AMT: variants seen among roughly 807,000 people sequenced by gnomAD.
AMT encodes the protein aminomethyltransferase, also known as aminomethyltransferase, mitochondrial.
In AMT, 24 loss-of-function variants were observed where a neutral mutation model predicts 39.5. The ratio of observed to expected loss-of-function variants is 0.61; its 90% CI spans 0.44 to 0.86. The LOEUF is 0.86. AMT is among the 40% of genes least tolerant of loss of function. AMT has a pLI of 0.00. For missense variants in AMT, 501 were observed against 537.0 expected (o/e 0.93, Z 0.66); for synonymous variants, 210 against 212.1 (o/e 0.99, Z 0.09).
At chr3:49,419,914 T>A in intron 4 of AMT, 126 bp from the exon 5 acceptor site, 1 of 978,286 alleles carries the variant, frequency 1.0e-6, no homozygotes, top group Non-Finnish European at 1.6e-6. Context: ...AAAAAAAAGG[T>A]AGTAGGCTGG....
At chr3:49,418,727 G>A in intron 7 of AMT, 1 of 493,998 alleles carries the variant, frequency 2.0e-6, no homozygotes, top group South Asian at 2.0e-5. Context: ...GGATGGTCTT[G>A]ATCTCCTGAC....
rs769609020 is a variant in AMT at position 49,417,830 on chromosome 3, C to T, written c.1021G>A (p.Gly341Ser). Reference sequence around the variant, plus strand: ...CTGGTCCACCTACCAATCTTGGTACCCTCCATGTTCAGGATGGGACTGTGT... The same window carrying T: ...CTGGTCCACCTACCAATCTTGGTACTCTCCATGTTCAGGATGGGACTGTGT... Reference protein sequence around the residue: ...RAHSPILNMEGTKIGTVTSGC... With the variant: ...RAHSPILNMESTKIGTVTSGC... The change falls in exon 8 of 9, where the codon GGT (glycine) becomes AGT (serine). Residue 341 changes from glycine (G) to serine (S), a missense_variant. Gly to Ser is a moderately conservative substitution (Grantham distance 56, BLOSUM62 0). Transcript: ENST00000273588. 23 of 1,614,102 alleles carry T rather than the reference C, an allele frequency of 1.4e-5. No individual in the cohort carries two copies. The South Asian group carries it at 2.1e-4, about 15-fold the overall frequency.
In AMT at chr3:49,417,590, C is replaced by A. The variant is rs749359730; in HGVS notation, c.1162G>T (p.Val388Leu). Residue 388 changes from valine to leucine, a missense_variant, in exon 9 of 9, where the codon GTA becomes TTA. Val to Leu is a conservative substitution (Grantham distance 32). Coordinates refer to ENST00000273588, the MANE Select transcript of AMT (RefSeq NM_000481.4). ...VEVRRKQQMA[V>L]VSKMPFVPTN... ...GGCACAAAGGGCATCTTGCTGACTACAGCCATCTGCTGCTTCCGCCGCACC... is the reference window on the plus strand; with the variant it reads ...GGCACAAAGGGCATCTTGCTGACTAAAGCCATCTGCTGCTTCCGCCGCACC... The A allele has an allele frequency of 5.0e-6, 8 of 1,614,062 alleles. No individual in the cohort carries two copies. Among genetic ancestry groups the A allele is most frequent in the Non-Finnish European group, 5.9e-6 (7 of 1,180,046 alleles).
At chr3:49,420,442 T>C in intron 3 of AMT, 100 bp from the exon 4 acceptor site, 2 of 1,568,030 alleles carry the variant, frequency 1.3e-6, no homozygotes, top group Non-Finnish European at 8.8e-7. Flanking sequence ...CAAAAGGTTA[T>C]GAACCCTAAT....
In AMT at chr3:49,420,260, T is replaced by C; in HGVS notation, c.422A>G (p.Tyr141Cys). Reference protein sequence around the residue: ...IVTNTSEGHLYVVSNAGCWEK... With the variant: ...IVTNTSEGHLCVVSNAGCWEK... Reference sequence around the variant, plus strand: ...CCAGCAGCCAGCGTTGGACACCACATACAGGTGGCCCTCAGAAGTATTGGT... The same window carrying C: ...CCAGCAGCCAGCGTTGGACACCACACACAGGTGGCCCTCAGAAGTATTGGT... The change falls in exon 4 of 9, where the codon TAT (tyrosine) becomes TGT (cysteine). Residue 141 changes from tyrosine to cysteine, a missense_variant. Coordinates refer to ENST00000273588, the MANE Select transcript of AMT (RefSeq NM_000481.4). 1.9e-6 allele frequency: 3 copies of C among 1,614,150 alleles called. No homozygotes were observed. Among genetic ancestry groups the C allele is most frequent in the East Asian group, 4.5e-5 (2 of 44,878 alleles).
In AMT at chr3:49,422,236, G is replaced by A. The variant is rs761195733; in HGVS notation, c.126C>T (p.His42=). The A allele has an allele frequency of 8.1e-6, 13 of 1,613,994 alleles. No homozygotes were observed. The East Asian group carries it at 1.1e-4, about 14-fold the overall frequency. Residue 42 remains histidine (H), a synonymous_variant, in exon 2 of 9, where the codon CAC becomes CAT. Transcript: ENST00000273588. ...VLRRTPLYDF[H]LAHGGKMVAF... Reference sequence around the variant, plus strand: ...CCACCATTTTCCCGCCGTGGGCCAGGTGGAAGTCATAGAGCGGTGTCCTGC... The same window carrying A: ...CCACCATTTTCCCGCCGTGGGCCAGATGGAAGTCATAGAGCGGTGTCCTGC...
In AMT at chr3:49,419,129, G is replaced by T; in HGVS notation, c.719C>A (p.Ala240Glu). The change falls in exon 7 of 9, where the codon GCA becomes GAA. Residue 240 changes from alanine (A) to glutamate (E), a missense_variant. By Grantham distance (107) the Ala-to-Glu change is moderately radical (BLOSUM62 -1). Transcript: ENST00000273588. The part of the protein sequence containing the change: ...GVEISVPVAG[A>E]VHLATAILKN... ...CAGAATAGCTGTTGCCAGGTGAACT[G>T]CCCCCGCTACCGGCACCGAGATCTG... 8 of 1,613,666 alleles carry T rather than the reference G, an allele frequency of 5.0e-6. No homozygotes were observed. The highest frequency in any genetic ancestry group is 6.8e-6 in the Non-Finnish European group (8 of 1,179,914).
intron 4 of AMT, 52 bp downstream of exon 4, chr3:49,420,159 A>G: frequency 6.2e-7 from 1 of 1,611,454 alleles, no homozygotes; most frequent in Non-Finnish European, 8.5e-7. Flanking sequence ...CAACAAGGAT[A>G]CTGCTCTATG....
In AMT at chr3:49,419,037, A is replaced by G. The variant is rs1434264833; in HGVS notation, c.811T>C (p.Cys271Arg). The G allele has an allele frequency of 3.1e-6, 5 of 1,613,904 alleles. No individual in the cohort carries two copies. In the African/African-American group the frequency reaches 6.7e-5, roughly 22 times the overall value. ...RDSLRLEAGL[C>R]LYGNDIDEHT... is the part of the protein sequence containing the mutation. ...TCATCAATGTCATTCCCATACAGGC[A>G]GAGGCCTGCCTCCAGGCGCAGGCTG... Residue 271 changes from cysteine to arginine, a missense_variant, in exon 7 of 9, where the codon TGC becomes CGC. Coordinates refer to ENST00000273588, the MANE Select transcript of AMT (RefSeq NM_000481.4).
Position 49,419,562 on chromosome 3 carries a change from G to A in AMT, c.550+148C>T, listed in dbSNP as rs1456588051. 8.3e-6 allele frequency: 12 copies of A among 1,440,466 alleles called. No individual in the cohort carries two copies. The Admixed American group carries it at 2.1e-4, about 25-fold the overall frequency. The allele number at this position is 1,440,466 out of a possible 1,614,324, so 89.2% of individuals were successfully genotyped here. ...CCTAGCCCATGGAGCCTTGTGGTAGGTAGGAGGAGGGCAAGATACAAAACT... is the reference window on the plus strand; with the variant it reads ...CCTAGCCCATGGAGCCTTGTGGTAGATAGGAGGAGGGCAAGATACAAAACT... On this transcript the variant is annotated intron_variant, in intron 5 of 8. Coordinates refer to ENST00000273588, the MANE Select transcript of AMT (RefSeq NM_000481.4).
At chr3:49,418,017 C>T (rs2049029701) in intron 7 of AMT, 44 bp from the exon 8 acceptor site, 1 of 1,571,064 alleles carries the variant, frequency 6.4e-7, no homozygotes, top group Non-Finnish European at 8.6e-7. Flanking sequence ...CCATAGAAGC[C>T]CTGGCCACAG....
In AMT at chr3:49,422,360, C is replaced by T; in HGVS notation, c.90+1G>A. ...TCCAAGATCAGCACCCTCTATCCCA[C>T]CTGTGCGCAACTAAGTGGACGACAC... is the stretch of plus-strand genomic sequence containing the variant. On this transcript the variant is annotated splice_donor_variant, in intron 1 of 8. Transcript: ENST00000273588. LOFTEE classifies it high-confidence loss of function. 6.2e-7 allele frequency: 1 copy of T among 1,613,892 alleles called. No individual in the cohort carries two copies. Among genetic ancestry groups the T allele is most frequent in the Non-Finnish European group, 8.5e-7 (1 of 1,179,992 alleles).
At chr3:49,418,940 G>A (rs755379684) in intron 7 of AMT, 31 bp downstream of exon 7, 2 of 1,612,036 alleles carry the variant, frequency 1.2e-6, no homozygotes, top group East Asian at 2.2e-5. Context: ...TGACCTCCAG[G>A]ACCCTATCCT....
chr3:49,417,913 T>A lies in AMT; in HGVS notation c.938A>T (p.Lys313Met). 1 of 1,613,958 alleles carries A rather than the reference T, an allele frequency of 6.2e-7. No individual in the cohort carries two copies. Among genetic ancestry groups the A allele is most frequent in the Non-Finnish European group, 8.5e-7 (1 of 1,179,990 alleles). Residue 313 changes from lysine to methionine, a missense_variant, in exon 8 of 9, where the codon AAG becomes ATG. Coordinates refer to ENST00000273588, the MANE Select transcript of AMT (RefSeq NM_000481.4). ...CACACGCCTCCGCTGCACCCTGCCC[T>A]TCAGCTGGGGAACAATGACCTTGGC... The part of the protein sequence containing the change: ...PGAKVIVPQL[K>M]GRVQRRRVGL...
chr3:49,417,380 G>T lies in AMT; in HGVS notation c.*160C>A. 1 of 1,603,186 alleles carries T rather than the reference G, an allele frequency of 6.2e-7. No individual in the cohort carries two copies. On this transcript the variant is annotated 3_prime_UTR_variant, in exon 9 of 9. Coordinates refer to ENST00000273588, the MANE Select transcript of AMT (RefSeq NM_000481.4). ...GTCCTGAAGGAAGCTGGAATGGCAT[G>T]AGTTAGGTGGGGGGAATAGGTGGTG...
chr3:49,421,333 C>T, intron 3 of AMT, 159 bp downstream of exon 3: 1 of 688,748 alleles, frequency 1.5e-6, no homozygotes, highest in Non-Finnish European at 2.6e-6. Context: ...CTACAAATGT[C>T]TGTGTCTCTG....
chr3:49,419,273 T>C lies in AMT; in HGVS notation c.683A>G (p.Glu228Gly). 6.2e-7 allele frequency: 1 copy of C among 1,613,944 alleles called. No individual in the cohort carries two copies. The highest frequency in any genetic ancestry group is 1.1e-5 in the South Asian group (1 of 91,054). The change falls in exon 6 of 9, where the codon GAG becomes GGG. Residue 228 changes from glutamate to glycine, a missense_variant. Glu to Gly is a moderately conservative substitution (Grantham distance 98). Transcript: ENST00000273588. ...CRVTRCGYTG[E>G]DGVEISVPVA... is the part of the protein sequence containing the mutation. Reference sequence around the variant, plus strand: ...TTCTTGACACACCTCCACACCATCCTCTCCTGTGTAGCCACAGCGGGTCAC... The same window carrying C: ...TTCTTGACACACCTCCACACCATCCCCTCCTGTGTAGCCACAGCGGGTCAC...
intron 3 of AMT, 68 bp downstream of exon 3, chr3:49,421,424 G>T: frequency 7.8e-7 from 1 of 1,281,800 alleles, no homozygotes; most frequent in Non-Finnish European, 1.1e-6. Context: ...TAAGCCTGAG[G>T]TAGGGACTCA....
At chr3:49,418,030 G>C in intron 7 of AMT, 57 bp from the exon 8 acceptor site, 2 of 1,555,310 alleles carry the variant, frequency 1.3e-6, no homozygotes, top group Non-Finnish European at 1.7e-6. Context: ...GGCCACAGGA[G>C]GTCCTTATGA....
Sources: gnomAD v4.1 joint callset for allele counts on GRCh38, gnomAD v4.1.1 for gene constraint, MANE v1.5 for transcripts, NCBI Gene and HGNC (gene_info 2026-07-23, HGNC 2026-07-21) for gene names.